The following AKAP6 variants were observed in gnomAD, a reference collection of about 807,000 sequenced individuals.
AKAP6 encodes A-kinase anchor protein 6.
Under a neutral mutation model 188.5 loss-of-function variants are expected in AKAP6, and 58 were observed. That is an observed-to-expected ratio of 0.31 (90% confidence interval 0.25 to 0.38). The LOEUF (loss-of-function observed/expected upper bound fraction) is 0.38, where lower values mean the gene tolerates loss of function less well. Ranked by LOEUF, AKAP6 falls within the 10% of genes least tolerant of loss-of-function variation. The pLI is 1.00. For synonymous variants in AKAP6, 989 were observed against 998.6 expected (o/e 0.99, Z 0.18); for missense variants, 2,710 against 2,740.0 (o/e 0.99, Z 0.24).
intron 11 of AKAP6, among the ~76,000 whole-genome samples, chr14:32,759,969 T>C (rs2032481770): frequency 6.6e-6 from 1 of 152,208 alleles, no homozygotes; most frequent in African/African-American, 2.4e-5. Context: ...GCAACAAATT[T>C]CAAAACTTTA....
At chr14:32,662,757 T>C (rs773964003) in intron 7 of AKAP6, among the ~76,000 whole-genome samples, 2 of 152,160 alleles carry the variant, frequency 1.3e-5, no homozygotes, top group African/African-American at 4.8e-5. Flanking sequence ...ATTCTGTGAA[T>C]GTTCTGTTTT....
At chr14:32,390,052 T>C (rs534871512) in intron 1 of AKAP6, among the ~76,000 whole-genome samples, 2 of 152,244 alleles carry the variant, frequency 1.3e-5, no homozygotes, top group African/African-American at 4.8e-5. Context: ...TTCTTATTCT[T>C]TTTTCTTTGT....
At chr14:32,744,888 T>C (rs1183242245) in intron 11 of AKAP6, among the ~76,000 whole-genome samples, 1 of 152,134 alleles carries the variant, frequency 6.6e-6, no homozygotes, top group Non-Finnish European at 1.5e-5. Flanking sequence ...TAAATTCTGC[T>C]GTTAAAAGCC....
chr14:32,569,649 T>C (rs1343351843), intron 4 of AKAP6, among the ~76,000 whole-genome samples: 1 of 152,210 alleles, frequency 6.6e-6, no homozygotes, highest in African/African-American at 2.4e-5. Flanking sequence ...GTATAACGAA[T>C]TATGCCCAAA....
intron 7 of AKAP6, among the ~76,000 whole-genome samples, chr14:32,676,227 G>A (rs1485192019): frequency 6.6e-6 from 1 of 152,050 alleles, no homozygotes; most frequent in African/African-American, 2.4e-5. Context: ...TTTGACTATT[G>A]CTCAATATCT....
intron 7 of AKAP6, among the ~76,000 whole-genome samples, chr14:32,672,560 C>G (rs1489325922): frequency 2.6e-5 from 4 of 152,150 alleles, no homozygotes; most frequent in Non-Finnish European, 5.9e-5. Context: ...GACACCAATT[C>G]TATTGGATTG....
rs1389682593 is a variant in AKAP6 at position 32,624,326 on chromosome 14, G to T, written c.2730+23534G>T. Among the ~76,000 whole-genome samples the T allele has an allele frequency of 4.6e-5, 7 of 152,090 alleles. No individual in the cohort carries two copies. In the South Asian group the frequency reaches 1.0e-3, roughly 23 times the overall value. ...TTTTCTTAAAACATATGACATTTCTGCATCCTGCATTTGCCATGATATAAT... is the reference window on the plus strand; with the variant it reads ...TTTTCTTAAAACATATGACATTTCTTCATCCTGCATTTGCCATGATATAAT... On this transcript the variant is annotated intron_variant, in intron 7 of 13. Coordinates refer to ENST00000280979, the MANE Select transcript of AKAP6 (RefSeq NM_004274.5).
At chr14:32,621,992 A>G (rs1459808098) in intron 7 of AKAP6, among the ~76,000 whole-genome samples, 1 of 152,150 alleles carries the variant, frequency 6.6e-6, no homozygotes, top group African/African-American at 2.4e-5. Flanking sequence ...GGTAGTCTCA[A>G]TAAGGCATAT....
chr14:32,401,093 G>A (rs1197445266), intron 1 of AKAP6, among the ~76,000 whole-genome samples: 1 of 152,116 alleles, frequency 6.6e-6, no homozygotes, highest in Non-Finnish European at 1.5e-5. Context: ...ATGATGCCTA[G>A]AACTGTCACA....
chr14:32,679,738 AC>A (rs1467620392), intron 8 of AKAP6, among the ~76,000 whole-genome samples: 1 of 152,218 alleles, frequency 6.6e-6, no homozygotes, highest in Non-Finnish European at 1.5e-5. Flanking sequence ...TCAAGTTTTC[AC>A]ATTTACCTAT....
chr14:32,421,762 C>T (rs1163431010), intron 1 of AKAP6, among the ~76,000 whole-genome samples: 1 of 152,128 alleles, frequency 6.6e-6, no homozygotes, highest in Non-Finnish European at 1.5e-5. Context: ...CTGAATGTCA[C>T]TGTAGGGTAA....
At chr14:32,685,426 A>T (rs755040470) in intron 8 of AKAP6, among the ~76,000 whole-genome samples, 5 of 151,996 alleles carry the variant, frequency 3.3e-5, no homozygotes, top group Non-Finnish European at 5.9e-5. Flanking sequence ...GATTTTAGCC[A>T]TTAGAAGAGG....
At chr14:32,782,690 C>T (rs2033289551) in intron 12 of AKAP6, among the ~76,000 whole-genome samples, 2 of 151,996 alleles carry the variant, frequency 1.3e-5, no homozygotes, top group Admixed American at 1.3e-4. Flanking sequence ...ATGTATCTAA[C>T]AATAGATATG....
chr14:32,519,111 G>A (rs768052866), intron 2 of AKAP6, among the ~76,000 whole-genome samples: 1 of 152,132 alleles, frequency 6.6e-6, no homozygotes, highest in Non-Finnish European at 1.5e-5. Flanking sequence ...AGAAGTGAAG[G>A]AGAAATAAAA....
intron 1 of AKAP6, among the ~76,000 whole-genome samples, chr14:32,352,134 T>TGA (rs1566458789): frequency 0.013 from 1,901 of 142,026 alleles, 40 homozygotes; most frequent in African/African-American, 0.048. Flanking sequence ...TGTGTGTGTG[T>TGA]GAAGGGGGTG....
intron 1 of AKAP6, among the ~76,000 whole-genome samples, chr14:32,331,449 T>A (rs1356026827): frequency 5.9e-5 from 9 of 152,156 alleles, no homozygotes; most frequent in African/African-American, 2.2e-4. Context: ...CAGACAACCC[T>A]GTAATTTTTC....
intron 4 of AKAP6, among the ~76,000 whole-genome samples, chr14:32,570,312 CTT>C (rs61588258): frequency 1.8e-4 from 26 of 147,138 alleles, no homozygotes; most frequent in Admixed American, 2.0e-4. Flanking sequence ...TGTATTTTTT[CTT>C]TTTTTTTTTA....
intron 5 of AKAP6, among the ~76,000 whole-genome samples, chr14:32,592,631 G>T (rs4246975): frequency 6.6e-6 from 1 of 152,084 alleles, no homozygotes; most frequent in Admixed American, 6.5e-5. Flanking sequence ...CAGGGCCTGG[G>T]TCTTATTCTC....
chr14:32,413,302 C>T (rs1329668174), intron 1 of AKAP6, among the ~76,000 whole-genome samples: 1 of 151,348 alleles, frequency 6.6e-6, no homozygotes, highest in African/African-American at 2.4e-5. Flanking sequence ...CCCACCTCAG[C>T]CTCCTGAGTA....
Sources: allele counts gnomAD v4.1 joint callset (sites outside exome capture counted in the v4.1 genomes callset), GRCh38; gene constraint gnomAD v4.1.1; transcripts MANE v1.5; gene names NCBI Gene and HGNC (gene_info 2026-07-23, HGNC 2026-07-21).